Variants in FAM13A observed in about 807,000 individuals in gnomAD.
The protein encoded by FAM13A is family with sequence similarity 13 member A.
A neutral mutation model predicts 129.6 loss-of-function variants in FAM13A; 76 were observed. The ratio of observed to expected loss-of-function variants is 0.59; its 90% CI spans 0.49 to 0.71. FAM13A has a LOEUF of 0.71. Among genes scored for constraint, FAM13A ranks in the 30% least tolerant of loss-of-function variants. The pLI is 0.00. For synonymous variants in FAM13A, 443 were observed against 449.9 expected, an observed-to-expected ratio of 0.98 and a Z score of 0.20; for missense variants, 1,108 against 1,249.3, an observed-to-expected ratio of 0.89 and a Z score of 1.70.
intron 8 of FAM13A, among the ~76,000 whole-genome samples, chr4:88,797,570 C>T (rs1034592582): frequency 3.3e-5 from 5 of 152,116 alleles, no homozygotes; most frequent in South Asian, 2.1e-4. Flanking sequence ...CAGCCTGTCA[C>T]GTAGTTTTTA....
intron 4 of FAM13A, among the ~76,000 whole-genome samples, chr4:88,975,281 T>C (rs1278746759): frequency 6.6e-6 from 1 of 152,112 alleles, no homozygotes; most frequent in African/African-American, 2.4e-5. Context: ...AAATAAAAGA[T>C]AGCTGTGCAA....
chr4:88,966,529 T>C (rs1201390950), intron 4 of FAM13A, among the ~76,000 whole-genome samples: 2 of 152,226 alleles, frequency 1.3e-5, no homozygotes, highest in South Asian at 2.1e-4. Flanking sequence ...GGTTGGACTA[T>C]CCTAAATATG....
intron 14 of FAM13A, among the ~76,000 whole-genome samples, chr4:88,758,132 C>T (rs1744065860): frequency 6.6e-6 from 1 of 152,154 alleles, no homozygotes; most frequent in Non-Finnish European, 1.5e-5. Flanking sequence ...CTACTCTCTT[C>T]TTCCTCGCAA....
chr4:88,834,743 T>C (rs914092417), intron 7 of FAM13A, among the ~76,000 whole-genome samples: 1 of 152,222 alleles, frequency 6.6e-6, no homozygotes, highest in Non-Finnish European at 1.5e-5. Context: ...AATATCATCC[T>C]AGACTTCAAA....
At chr4:88,896,395 A>G (rs1746333271) in intron 6 of FAM13A, among the ~76,000 whole-genome samples, 1 of 152,176 alleles carries the variant, frequency 6.6e-6, no homozygotes, top group Admixed American at 6.5e-5. Flanking sequence ...CAATGTGCAC[A>G]TGTACCCTAA....
intron 4 of FAM13A, among the ~76,000 whole-genome samples, chr4:88,983,573 T>A (rs987219093): frequency 8.5e-5 from 13 of 152,220 alleles, no homozygotes; most frequent in African/African-American, 2.9e-4. Context: ...AAAAAGATAC[T>A]TGATAATAGA....
intron 4 of FAM13A, among the ~76,000 whole-genome samples, chr4:88,980,496 G>T (rs867047372): frequency 3.3e-5 from 5 of 152,184 alleles, no homozygotes; most frequent in Middle Eastern, 3.2e-3. Context: ...GCTACATAGG[G>T]CTAGTGCAGA....
chr4:88,808,655 A>G lies in FAM13A; in HGVS notation c.1008-3603T>C, dbSNP rs547078132. Among the ~76,000 whole-genome samples, 152 of 152,298 alleles carry G rather than the reference A, an allele frequency of 1.0e-3. 1 individual carries two copies. Among genetic ancestry groups the G allele is most frequent in the African/African-American group, 3.5e-3 (145 of 41,590 alleles). ...ATGAAATTAAACCAATGACAAATTGAAACAACTTAGAATTCATTCGATTTC... is the reference window on the plus strand; with the variant it reads ...ATGAAATTAAACCAATGACAAATTGGAACAACTTAGAATTCATTCGATTTC... On this transcript the variant is annotated intron_variant, in intron 7 of 23. Transcript: ENST00000264344.
chr4:88,768,545 C>T (rs114609865), intron 11 of FAM13A: 1,592 of 153,722 alleles, frequency 0.01, 13 homozygotes, highest in African/African-American at 0.029. Flanking sequence ...AGATTGAAGG[C>T]GGAGTATACA....
chr4:89,036,814 G>A (rs1247419485), intron 1 of FAM13A, among the ~76,000 whole-genome samples: 1 of 152,220 alleles, frequency 6.6e-6, no homozygotes, highest in African/African-American at 2.4e-5. Flanking sequence ...TGGCTAAAAT[G>A]GCCCAAGATA....
chr4:88,789,121 G>A (rs1206224350), intron 9 of FAM13A, among the ~76,000 whole-genome samples: 3 of 152,094 alleles, frequency 2.0e-5, no homozygotes, highest in East Asian at 3.8e-4. Context: ...TACATCAGAG[G>A]TGGCTTCCTA....
intron 6 of FAM13A, among the ~76,000 whole-genome samples, chr4:88,863,587 T>C (rs1348731627): frequency 2.6e-5 from 4 of 152,208 alleles, no homozygotes; most frequent in Non-Finnish European, 2.9e-5. Context: ...ACCTGGGACT[T>C]ACATCTGAAA....
chr4:88,860,903 C>T (rs898628300), intron 6 of FAM13A, among the ~76,000 whole-genome samples: 1 of 152,164 alleles, frequency 6.6e-6, no homozygotes, highest in African/African-American at 2.4e-5. Context: ...AGTTATTTTA[C>T]AAAATGTGCA....
chr4:88,993,661 AG>A (rs1247674706), intron 3 of FAM13A, among the ~76,000 whole-genome samples: 2 of 152,152 alleles, frequency 1.3e-5, no homozygotes, highest in African/African-American at 4.8e-5. Context: ...ATGGGAAGGG[AG>A]ACGGATGTAT....
intron 7 of FAM13A, among the ~76,000 whole-genome samples, chr4:88,839,964 T>C (rs945433742): frequency 6.6e-6 from 1 of 152,116 alleles, no homozygotes; most frequent in Non-Finnish European, 1.5e-5. Flanking sequence ...GCGTTTAAAA[T>C]CACAGAACTG....
At chr4:88,784,805 A>ACTTC (rs1284094267) in intron 10 of FAM13A, among the ~76,000 whole-genome samples, 1 of 152,118 alleles carries the variant, frequency 6.6e-6, no homozygotes, top group Non-Finnish European at 1.5e-5. Flanking sequence ...ATCATAACAG[A>ACTTC]CTTCCATATA....
Position 88,732,185 on chromosome 4 carries a change from C to A in FAM13A, c.2660G>T (p.Gly887Val), listed in dbSNP as rs760855176. The A allele has an allele frequency of 3.1e-6, 5 of 1,604,042 alleles. No individual in the cohort carries two copies. In the East Asian group the frequency reaches 1.1e-4, roughly 36 times the overall value. The part of the protein sequence containing the change: ...FFKEIKEEEE[G>V]SEDDSNVKPD... The stretch of plus-strand genomic sequence containing the variant: ...CTTCACATTGCTATCGTCTTCTGAC[C>A]CCTCCTCTTCTTCCTGGAGATACAC... The change falls in exon 22 of 24, where the codon GGG becomes GTG. Residue 887 changes from glycine (G) to valine (V), a missense_variant. Transcript: ENST00000264344.
At chr4:88,914,013 GA>G (rs57196313) in intron 5 of FAM13A, among the ~76,000 whole-genome samples, 42,463 of 144,302 alleles carry the variant, frequency 0.29, 6,237 homozygotes, top group African/African-American at 0.39. Context: ...AAAAAAAAAA[GA>G]AAAAAAAAAA....
intron 6 of FAM13A, among the ~76,000 whole-genome samples, chr4:88,881,844 TGTCA>T (rs1743627884): frequency 6.6e-6 from 1 of 152,062 alleles, no homozygotes; most frequent in African/African-American, 2.4e-5. Context: ...TACTGGAACG[TGTCA>T]GCGATAGAAT....
Sources: gnomAD v4.1 joint callset for allele counts (sites outside exome capture counted in the v4.1 genomes callset) on GRCh38, gnomAD v4.1.1 for gene constraint, MANE v1.5 for transcripts, NCBI Gene and HGNC (gene_info 2026-07-23, HGNC 2026-07-21) for gene names.